SLCO6A1: variants seen among roughly 807,000 people sequenced by gnomAD.
The protein encoded by SLCO6A1 is solute carrier organic anion transporter family member 6A1.
In SLCO6A1, 65 loss-of-function variants were observed where a neutral mutation model predicts 72.7. The ratio of observed to expected loss-of-function variants is 0.89; its 90% confidence interval spans 0.73 to 1.10. The LOEUF is 1.10. Ranked by LOEUF, SLCO6A1 falls within the 50% of genes least tolerant of loss-of-function variation. The pLI, the probability that SLCO6A1 is intolerant of heterozygous loss-of-function variation, is 0.00. For synonymous variants in SLCO6A1, 314 were observed against 298.2 expected (o/e 1.05, Z -0.55); for missense variants, 874 against 872.6 (o/e 1.00, Z -0.02).
At chr5:102,406,447 C>T (rs1367418493) in intron 9 of SLCO6A1, among the ~76,000 whole-genome samples, 1 of 151,856 alleles carries the variant, frequency 6.6e-6, no homozygotes, top group Admixed American at 6.6e-5. Context: ...TAGGCATATA[C>T]ACGTTAATAC....
chr5:102,480,073 A>C, intron 2 of SLCO6A1, 104 bp downstream of exon 2: 1 of 1,099,978 alleles, frequency 9.1e-7, no homozygotes, highest in Admixed American at 2.6e-5. Flanking sequence ...GGATGGATGG[A>C]TAGATATACA....
At chr5:102,423,168 A>C (rs1182796353) in intron 7 of SLCO6A1, among the ~76,000 whole-genome samples, 2 of 152,054 alleles carry the variant, frequency 1.3e-5, no homozygotes, top group Non-Finnish European at 2.9e-5. Flanking sequence ...CCACTGCAAA[A>C]ACACCAAAAT....
intron 7 of SLCO6A1, among the ~76,000 whole-genome samples, chr5:102,426,342 A>G (rs1748891754): frequency 6.6e-6 from 1 of 152,136 alleles, no homozygotes; most frequent in Non-Finnish European, 1.5e-5. Context: ...AACCTACAGA[A>G]TGGGAGAAAA....
At chr5:102,396,738 A>C (rs1005835553) in intron 10 of SLCO6A1, among the ~76,000 whole-genome samples, 27 of 152,148 alleles carry the variant, frequency 1.8e-4, no homozygotes, top group Admixed American at 1.8e-3. Context: ...AAAATAGTAC[A>C]AAGCATGCTG....
intron 7 of SLCO6A1, among the ~76,000 whole-genome samples, chr5:102,433,433 T>C (rs2112661658): frequency 6.6e-6 from 1 of 152,340 alleles, no homozygotes; most frequent in South Asian, 2.1e-4. Flanking sequence ...CTTTGGATTT[T>C]TTTTTCTTTT....
At chr5:102,417,215 A>G (rs1748331428) in intron 8 of SLCO6A1, among the ~76,000 whole-genome samples, 1 of 151,986 alleles carries the variant, frequency 6.6e-6, no homozygotes, top group South Asian at 2.1e-4. Context: ...CTTTCTGCTT[A>G]ATATACTACT....
At chr5:102,413,284 C>A (rs1748091826) in intron 8 of SLCO6A1, 141 bp from the exon 9 acceptor site, 3 of 714,708 alleles carry the variant, frequency 4.2e-6, no homozygotes, top group Admixed American at 4.0e-5. Context: ...GTCTGAGGTA[C>A]AATAGACTGC....
chr5:102,441,455 T>A (rs1215080526), intron 6 of SLCO6A1, among the ~76,000 whole-genome samples: 1 of 152,204 alleles, frequency 6.6e-6, no homozygotes, highest in Non-Finnish European at 1.5e-5. Flanking sequence ...AATGCTACAC[T>A]GTTTTTACTA....
intron 6 of SLCO6A1, among the ~76,000 whole-genome samples, chr5:102,456,633 C>A (rs943957268): frequency 1.3e-5 from 2 of 152,156 alleles, no homozygotes; most frequent in African/African-American, 2.4e-5. Context: ...ACATTCCATG[C>A]TCATGGGTAG....
chr5:102,483,800 G>C (rs1204948045), intron 1 of SLCO6A1, among the ~76,000 whole-genome samples: 1 of 152,114 alleles, frequency 6.6e-6, no homozygotes, highest in Non-Finnish European at 1.5e-5. Context: ...ATGTTTCTCA[G>C]GTTCACCAAA....
intron 7 of SLCO6A1, among the ~76,000 whole-genome samples, chr5:102,435,193 G>GAAA (rs1471891837): frequency 1.2e-4 from 18 of 152,118 alleles, no homozygotes; most frequent in African/African-American, 4.3e-4. Context: ...AAATTCCTGT[G>GAAA]TGAAATCATA....
chr5:102,491,597 GC>G (rs1752679681), intron 1 of SLCO6A1, among the ~76,000 whole-genome samples: 1 of 152,248 alleles, frequency 6.6e-6, no homozygotes, highest in African/African-American at 2.4e-5. Flanking sequence ...CAGGTGCTAA[GC>G]CCCTCACTGC....
At chr5:102,400,042 A>T (rs1481513184) in intron 9 of SLCO6A1, among the ~76,000 whole-genome samples, 1 of 152,030 alleles carries the variant, frequency 6.6e-6, no homozygotes. Flanking sequence ...AATTCATAAG[A>T]AATTGTTAAA....
rs532808801 is a variant in SLCO6A1 at position 102,420,641 on chromosome 5, G to A, written c.1277-620C>T. Among the ~76,000 whole-genome samples the A allele has an allele frequency of 8.1e-4, 123 of 152,046 alleles. 1 individual carries two copies. Among genetic ancestry groups the A allele is most frequent in the Non-Finnish European group, 1.3e-3 (86 of 67,980 alleles). Reference sequence around the variant, plus strand: ...AGTCAGAAGACAATCAGATGAGATAGCACAGTAAATTCATACATTGATGCA... The same window carrying A: ...AGTCAGAAGACAATCAGATGAGATAACACAGTAAATTCATACATTGATGCA... On this transcript the variant is annotated intron_variant, in intron 7 of 13. Transcript: ENST00000506729.
chr5:102,461,984 C>T (rs960396334), intron 4 of SLCO6A1, among the ~76,000 whole-genome samples: 1 of 151,992 alleles, frequency 6.6e-6, no homozygotes, highest in Admixed American at 6.6e-5. Context: ...ACCATAAAGA[C>T]CCATCCAAAA....
chr5:102,498,825 C>A lies in SLCO6A1; in HGVS notation c.20G>T (p.Arg7Leu), dbSNP rs1168675825. MFVGVA[R>L]HSGSQDEVSR... is the part of the protein sequence containing the mutation. ...GACTTCATCCTGGCTCCCAGAGTGC[C>A]GGGCGACGCCTACGAACATGGCTCA... Residue 7 changes from arginine (R) to leucine (L), a missense_variant, in exon 1 of 14, where the codon CGG (arginine) becomes CTG (leucine). Physicochemically the swap from Arg to Leu is moderately radical, Grantham distance 102 (BLOSUM62 -2). Transcript: ENST00000506729. 1.2e-6 allele frequency: 2 copies of A among 1,610,880 alleles called. No individual in the cohort carries two copies. Among genetic ancestry groups the A allele is most frequent in the Non-Finnish European group, 8.5e-7 (1 of 1,179,036 alleles).
At chr5:102,414,767 C>T (rs1291004812) in intron 8 of SLCO6A1, among the ~76,000 whole-genome samples, 1 of 151,976 alleles carries the variant, frequency 6.6e-6, no homozygotes, top group African/African-American at 2.4e-5. Context: ...TAGTGGCATG[C>T]ACCTGTACTC....
intron 7 of SLCO6A1, among the ~76,000 whole-genome samples, chr5:102,431,086 G>T (rs138326664): frequency 4.9e-4 from 74 of 152,192 alleles, no homozygotes; most frequent in South Asian, 1.2e-3. Flanking sequence ...GTTTGTAAAG[G>T]TGCTCATAGT....
Position 102,498,483 on chromosome 5 carries a change from T to C in SLCO6A1, c.358+4A>G. ...CCACAACAAACCGCCTCCTTCAGGC[T>C]CACCTTGACATATGAGCAGGATGCA... On this transcript the variant is annotated splice_donor_region_variant and intron_variant, in intron 1 of 13. Coordinates refer to ENST00000506729, the MANE Select transcript of SLCO6A1 (RefSeq NM_173488.5). 2 of 1,608,398 alleles carry C rather than the reference T, an allele frequency of 1.2e-6. No individual in the cohort carries two copies. The highest frequency in any genetic ancestry group is 1.7e-6 in the Non-Finnish European group (2 of 1,176,632).
Sources: gnomAD v4.1 joint callset for allele counts (sites outside exome capture counted in the v4.1 genomes callset) on GRCh38, gnomAD v4.1.1 for gene constraint, MANE v1.5 for transcripts, NCBI Gene and HGNC (gene_info 2026-07-23, HGNC 2026-07-21) for gene names.